Variants in HTR2C observed in about 807,000 individuals in gnomAD.
HTR2C encodes the protein 5-hydroxytryptamine receptor 2C, also known as 5-hydroxytryptamine (serotonin) receptor 2C, G protein-coupled.
In HTR2C, 5 loss-of-function variants were observed where a neutral mutation model predicts 21.0. The ratio of observed to expected loss-of-function variants is 0.24; its 90% CI spans 0.12 to 0.50. The LOEUF is 0.50. HTR2C is among the 20% of genes least tolerant of loss of function. The pLI is 0.98. For synonymous variants in HTR2C, 150 were observed against 145.3 expected, an observed-to-expected ratio of 1.03 and a Z score of -0.23; for missense variants, 271 against 371.2, an observed-to-expected ratio of 0.73 and a Z score of 2.22.
At chrX:114,647,175 G>A (rs1930394195) in intron 2 of HTR2C, among the ~76,000 whole-genome samples, 1 of 110,707 alleles carries the variant, frequency 9.0e-6, no homozygotes, top group African/African-American at 3.3e-5. Context: ...CACAGCATGA[G>A]GACTATAGTT....
At chrX:114,697,471 C>T (rs1932314337) in intron 2 of HTR2C, among the ~76,000 whole-genome samples, 1 of 112,364 alleles carries the variant, frequency 8.9e-6, no homozygotes, top group African/African-American at 3.2e-5. Flanking sequence ...CTGATTCTTT[C>T]CCAAACTTCT....
chrX:114,833,226 G>A (rs1452900488), intron 4 of HTR2C, among the ~76,000 whole-genome samples: 1 of 102,426 alleles, frequency 9.8e-6, no homozygotes, highest in Non-Finnish European at 2.0e-5. Context: ...AAATGACTTA[G>A]GGAGGATTCC....
chrX:114,752,844 T>C (rs2069773927), intron 4 of HTR2C, among the ~76,000 whole-genome samples: 2 of 110,473 alleles, frequency 1.8e-5, no homozygotes, highest in Non-Finnish European at 3.8e-5. Context: ...AAAATATTTC[T>C]AAGTTCCATA....
chrX:114,660,327 T>A (rs1602670352), intron 2 of HTR2C, among the ~76,000 whole-genome samples: 2 of 112,492 alleles, frequency 1.8e-5, no homozygotes, highest in East Asian at 5.6e-4. Context: ...TATTTCCCTG[T>A]CAATTCATTA....
rs1556402675 is a variant in HTR2C, at chrX:114,625,651, G to A, written c.-80+11770G>A. 2.7e-5 allele frequency among the ~76,000 whole-genome samples: 3 copies of A among 112,047 alleles called. No individual in the cohort carries two copies. The East Asian group carries it at 8.4e-4, about 31-fold the overall frequency. ...ACCCCTTTTTAAAATAAATCACCCA[G>A]CCTCAGATATTCCTTTATAACAACA... On this transcript the variant is annotated intron_variant, in intron 2 of 5. Transcript: ENST00000276198.
intron 2 of HTR2C, among the ~76,000 whole-genome samples, chrX:114,724,920 C>G (rs1933391091): frequency 9.2e-6 from 1 of 108,607 alleles, no homozygotes; most frequent in African/African-American, 3.3e-5. Context: ...TGAGAGTAAC[C>G]CGACCTTTCT....
chrX:114,777,138 T>C (rs1348537797), intron 4 of HTR2C, among the ~76,000 whole-genome samples: 1 of 112,257 alleles, frequency 8.9e-6, no homozygotes, highest in Non-Finnish European at 1.9e-5. Flanking sequence ...AAAAAGTTGA[T>C]CTATTTCCAT....
At chrX:114,698,427 A>G (rs1247607805) in intron 2 of HTR2C, among the ~76,000 whole-genome samples, 2 of 101,671 alleles carry the variant, frequency 2.0e-5, no homozygotes, top group Non-Finnish European at 4.0e-5. Context: ...TGCAATCCAG[A>G]ACACAGGCAC....
intron 5 of HTR2C, among the ~76,000 whole-genome samples, chrX:114,860,158 T>A (rs1469424622): frequency 1.8e-5 from 2 of 111,798 alleles, no homozygotes; most frequent in Non-Finnish European, 3.8e-5. Context: ...TAACAGAATG[T>A]GTGTTTTGTA....
chrX:114,775,002 C>A, intron 4 of HTR2C: 1 of 487,513 alleles, frequency 2.1e-6, no homozygotes. Flanking sequence ...CAAATTCTTC[C>A]TTCTTAGCAG....
intron 2 of HTR2C, among the ~76,000 whole-genome samples, chrX:114,707,043 A>G (rs1260316446): frequency 1.3e-4 from 14 of 111,956 alleles, no homozygotes; most frequent in African/African-American, 4.2e-4. Context: ...AATTTCAATT[A>G]CTATTGCATA....
rs931530544 is a variant in HTR2C at position 114,585,003 on chromosome X, G to A, written c.-147+344G>A. 1.4e-4 allele frequency among the ~76,000 whole-genome samples: 15 copies of A among 108,516 alleles called. 1 individual carries two copies. Among genetic ancestry groups the A allele is most frequent in the Non-Finnish European group, 5.7e-5 (3 of 52,304 alleles). 94.2% of individuals were successfully genotyped at this position (108,516 alleles called of 115,157 possible). A position where few individuals can be genotyped will look rare whatever the true frequency, so the allele number is the denominator to read the frequency against. On this transcript the variant is annotated intron_variant, in intron 1 of 5. Transcript: ENST00000276198. Reference sequence around the variant, plus strand: ...GCGGGGGTGGGGTCTCAAGAAGTGAGGAGTGGGAGGAGAGAAAGGAGGGAA... The same window carrying A: ...GCGGGGGTGGGGTCTCAAGAAGTGAAGAGTGGGAGGAGAGAAAGGAGGGAA...
intron 5 of HTR2C, among the ~76,000 whole-genome samples, chrX:114,869,097 T>C (rs1197398064): frequency 3.6e-5 from 4 of 110,626 alleles, no homozygotes; most frequent in East Asian, 2.8e-4. Context: ...CGGTGTTTGG[T>C]TTTCTGTCCT....
At chrX:114,627,896 G>A (rs1929443542) in intron 2 of HTR2C, among the ~76,000 whole-genome samples, 1 of 111,995 alleles carries the variant, frequency 8.9e-6, no homozygotes, top group African/African-American at 3.2e-5. Context: ...GGATCAGAAA[G>A]TAAAGCTTAT....
chrX:114,836,291 G>A (rs1219695351), intron 4 of HTR2C, among the ~76,000 whole-genome samples: 1 of 111,282 alleles, frequency 9.0e-6, no homozygotes, highest in African/African-American at 3.2e-5. Context: ...AATGGCGGGC[G>A]CCCCTCCCCC....
At chrX:114,848,768 A>AG (rs2070892999) in intron 5 of HTR2C, among the ~76,000 whole-genome samples, 1 of 111,236 alleles carries the variant, frequency 9.0e-6, no homozygotes, top group Admixed American at 9.7e-5. Flanking sequence ...GTATACAAAA[A>AG]GAAAAAAAAA....
intron 1 of HTR2C, among the ~76,000 whole-genome samples, chrX:114,599,901 G>C (rs1476590096): frequency 9.0e-6 from 1 of 111,699 alleles, no homozygotes; most frequent in Non-Finnish European, 1.9e-5. Flanking sequence ...TCAAACTTAT[G>C]TCAGTAATGT....
intron 4 of HTR2C, among the ~76,000 whole-genome samples, chrX:114,842,975 T>C (rs1270918097): frequency 9.0e-6 from 1 of 111,567 alleles, no homozygotes; most frequent in East Asian, 2.8e-4. Flanking sequence ...CCAAAACAAG[T>C]AGCAACAACT....
rs782197525 is a variant in HTR2C at position 114,763,276 on chromosome X, C to T, written c.349+31669C>T. On this transcript the variant is annotated intron_variant, in intron 4 of 5. Coordinates refer to ENST00000276198, the MANE Select transcript of HTR2C (RefSeq NM_000868.4). ...CGCTGACGCTTTGCCATTTCGCCAC[C>T]GGTGCCTTCCATGAGAATGCTGGTT... The T allele has an allele frequency of 2.5e-4, 32 of 125,551 alleles. No homozygotes were observed. In the Middle Eastern group the frequency reaches 2.7e-3, roughly 11 times the overall value. The allele number at this position is 125,551 out of a possible 1,213,427, so 10.3% of individuals were successfully genotyped here.
Sources: allele counts gnomAD v4.1 joint callset (sites outside exome capture counted in the v4.1 genomes callset), GRCh38; gene constraint gnomAD v4.1.1; transcripts MANE v1.5; gene names NCBI Gene and HGNC (gene_info 2026-07-23, HGNC 2026-07-21).